The following GRIN3A variants were observed in gnomAD, a reference collection of about 807,000 sequenced individuals.
GRIN3A encodes glutamate receptor ionotropic, NMDA 3A.
GRIN3A carries 47 observed loss-of-function variants against 92.4 expected under a neutral mutation model. The observed-to-expected ratio is 0.51, with a 90% CI of 0.40 to 0.65. The LOEUF (loss-of-function observed/expected upper bound fraction) is 0.65. GRIN3A is among the 30% of genes least tolerant of loss of function. GRIN3A has a pLI of 0.00. For missense variants in GRIN3A, 1,324 were observed against 1,393.1 expected, an observed-to-expected ratio of 0.95 and a Z score of 0.79; for synonymous variants, 527 against 540.6, an observed-to-expected ratio of 0.97 and a Z score of 0.35.
intron 1 of GRIN3A, among the ~76,000 whole-genome samples, chr9:101,716,630 C>T (rs1458613479): frequency 6.6e-6 from 1 of 152,090 alleles, no homozygotes; most frequent in African/African-American, 2.4e-5. Context: ...CTAGCTGTAC[C>T]TTAAAGGAAC....
intron 5 of GRIN3A, among the ~76,000 whole-genome samples, chr9:101,619,951 G>A (rs73659570): frequency 6.6e-6 from 1 of 152,156 alleles, no homozygotes; most frequent in Non-Finnish European, 1.5e-5. Flanking sequence ...ATCCTTAATA[G>A]TTTTGGTTTG....
chr9:101,640,312 C>T (rs142757063), intron 3 of GRIN3A, among the ~76,000 whole-genome samples: 7 of 152,260 alleles, frequency 4.6e-5, no homozygotes, highest in African/African-American at 1.7e-4. Flanking sequence ...TAGCATTTTG[C>T]TTTGTGAGCC....
intron 2 of GRIN3A, among the ~76,000 whole-genome samples, chr9:101,682,866 C>T (rs1302643497): frequency 6.6e-6 from 1 of 152,172 alleles, no homozygotes; most frequent in Middle Eastern, 3.2e-3. Flanking sequence ...CCTGTAGTCC[C>T]AGCTACTCGG....
chr9:101,714,811 C>A (rs1009307661), intron 1 of GRIN3A, among the ~76,000 whole-genome samples: 10 of 151,994 alleles, frequency 6.6e-5, no homozygotes, highest in Admixed American at 2.0e-4. Flanking sequence ...ACATGTCTGA[C>A]AAAATGTTTT....
At chr9:101,646,599 C>A (rs1828941641) in intron 3 of GRIN3A, among the ~76,000 whole-genome samples, 1 of 141,658 alleles carries the variant, frequency 7.1e-6, no homozygotes, top group African/African-American at 2.7e-5. Context: ...ATTTGTAGAT[C>A]ACTTTGGGTA....
At chr9:101,602,870 C>T (rs45537432) in intron 6 of GRIN3A, 8 of 152,074 alleles carry the variant, frequency 5.3e-5, no homozygotes, top group Non-Finnish European at 1.0e-4. Flanking sequence ...GAAAACAAGA[C>T]CAGAGAATTG....
intron 2 of GRIN3A, among the ~76,000 whole-genome samples, chr9:101,681,058 A>G (rs1829459915): frequency 6.6e-6 from 1 of 152,158 alleles, no homozygotes; most frequent in African/African-American, 2.4e-5. Flanking sequence ...ATTATGACCA[A>G]CCCATGGAGC....
intron 4 of GRIN3A, among the ~76,000 whole-genome samples, chr9:101,625,962 T>C (rs954272148): frequency 1.3e-5 from 2 of 152,232 alleles, no homozygotes; most frequent in Non-Finnish European, 2.9e-5. Context: ...CTTCCTTAAA[T>C]AACTACTCTT....
rs116846335 is a variant in GRIN3A at position 101,695,147 on chromosome 9, G to A, written c.700-7947C>T. 6.6e-5 allele frequency among the ~76,000 whole-genome samples: 10 copies of A among 152,292 alleles called. No homozygotes were observed. In the East Asian group the frequency reaches 1.9e-3, roughly 29 times the overall value. On this transcript the variant is annotated intron_variant, in intron 1 of 8. Transcript: ENST00000361820. Reference sequence around the variant, plus strand: ...GTACAGTCATACCCAGAAAGTGTTAGTTTATAATGATGGTGACCATGTTGA... The same window carrying A: ...GTACAGTCATACCCAGAAAGTGTTAATTTATAATGATGGTGACCATGTTGA...
intron 1 of GRIN3A, among the ~76,000 whole-genome samples, chr9:101,709,397 G>A (rs550358907): frequency 6.6e-6 from 1 of 152,116 alleles, no homozygotes; most frequent in Non-Finnish European, 1.5e-5. Context: ...CTGCTTATGG[G>A]ACCTTTGGTA....
In GRIN3A at chr9:101,613,363, A is replaced by G. The variant is rs760126930; in HGVS notation, c.2766+13T>C. The G allele has an allele frequency of 1.3e-5, 21 of 1,614,112 alleles. No individual in the cohort carries two copies. Among genetic ancestry groups the G allele is most frequent in the Non-Finnish European group, 1.7e-5 (20 of 1,179,964 alleles). ...TATACAACGTGTCACCATTTTCAAC[A>G]GTCTTTCCATACCTCCGTGACAGCA... On this transcript the variant is annotated intron_variant, in intron 6 of 8. Transcript: ENST00000361820.
intron 5 of GRIN3A, among the ~76,000 whole-genome samples, chr9:101,621,544 C>T (rs975988365): frequency 1.3e-5 from 2 of 152,170 alleles, no homozygotes; most frequent in Non-Finnish European, 2.9e-5. Context: ...TTTCTACTCT[C>T]TTGCAGGGAG....
At chr9:101,702,347 A>C (rs1829766678) in intron 1 of GRIN3A, among the ~76,000 whole-genome samples, 1 of 152,032 alleles carries the variant, frequency 6.6e-6, no homozygotes. Context: ...TTTCTTATCC[A>C]ATCAGGCCTT....
chr9:101,622,995 A>AACACACACACACACACACACACAC lies in GRIN3A; in HGVS notation c.2614+299_2614+322dup, dbSNP rs5899450. ...AGCACATAGCAACACCCTGCCACTA[A>AACACACACACACACACACACACAC]ACACACACACACACACACACACACA... On this transcript the variant is annotated intron_variant, in intron 5 of 8. Coordinates refer to ENST00000361820, the MANE Select transcript of GRIN3A (RefSeq NM_133445.3). Among the ~76,000 whole-genome samples, 671 of 147,490 alleles carry AACACACACACACACACACACACAC rather than the reference A, an allele frequency of 4.5e-3. 5 individuals are homozygous for AACACACACACACACACACACACAC. The highest frequency in any genetic ancestry group is 0.016 in the African/African-American group (641 of 39,704).
chr9:101,645,671 T>A (rs899474805), intron 3 of GRIN3A, among the ~76,000 whole-genome samples: 7 of 149,038 alleles, frequency 4.7e-5, no homozygotes, highest in African/African-American at 1.5e-4. Flanking sequence ...CTCTGCATCC[T>A]TGATGGCATA....
intron 3 of GRIN3A, among the ~76,000 whole-genome samples, chr9:101,648,897 G>A (rs528281012): frequency 1.3e-5 from 2 of 152,034 alleles, no homozygotes; most frequent in African/African-American, 4.8e-5. Flanking sequence ...CTTAAACACT[G>A]GACTGTTTTT....
chr9:101,628,190 C>T (rs1038393499), intron 4 of GRIN3A, 66 bp downstream of exon 4: 65 of 1,507,376 alleles, frequency 4.3e-5, no homozygotes, highest in Admixed American at 1.7e-4. Context: ...ACATATACTG[C>T]GTCAGTAGCT....
chr9:101,597,251 G>A (rs1463478081), intron 6 of GRIN3A, among the ~76,000 whole-genome samples: 1 of 152,102 alleles, frequency 6.6e-6, no homozygotes, highest in African/African-American at 2.4e-5. Flanking sequence ...CCACCTATGA[G>A]CCATCAGACA....
intron 3 of GRIN3A, among the ~76,000 whole-genome samples, chr9:101,667,389 T>C (rs1044878997): frequency 1.3e-5 from 2 of 151,958 alleles, no homozygotes; most frequent in African/African-American, 2.4e-5. Context: ...GGCACAAATA[T>C]TACCTTATTA....
Sources: gnomAD v4.1 joint callset for allele counts (sites outside exome capture counted in the v4.1 genomes callset) on GRCh38, gnomAD v4.1.1 for gene constraint, MANE v1.5 for transcripts, NCBI Gene and HGNC (gene_info 2026-07-23, HGNC 2026-07-21) for gene names.